The following ANKRD12 variants were observed in gnomAD, a reference collection of about 807,000 sequenced individuals.
The protein encoded by ANKRD12 is ankyrin repeat domain-containing protein 12.
ANKRD12 carries 85 observed loss-of-function variants against 183.4 expected under a neutral mutation model. That is an observed-to-expected ratio of 0.46 (90% CI 0.39 to 0.56). The LOEUF (loss-of-function observed/expected upper bound fraction) is 0.56, where lower values mean the gene tolerates loss of function less well. Ranked by LOEUF, ANKRD12 falls within the 20% of genes least tolerant of loss-of-function variation. The pLI, the probability that ANKRD12 is intolerant of heterozygous loss-of-function variation, is 0.00. For missense variants in ANKRD12, 2,405 were observed against 2,357.1 expected, an observed-to-expected ratio of 1.02 and a Z score of -0.42; for synonymous variants, 914 against 800.2, an observed-to-expected ratio of 1.14 and a Z score of -2.40.
intron 10 of ANKRD12, among the ~76,000 whole-genome samples, chr18:9,267,994 C>T (rs891595478): frequency 6.6e-6 from 1 of 152,198 alleles, no homozygotes; most frequent in African/African-American, 2.4e-5. Flanking sequence ...AACACCTCTA[C>T]ACAAATAAAC....
At chr18:9,236,265 A>G (rs920388827) in intron 8 of ANKRD12, among the ~76,000 whole-genome samples, 1 of 152,226 alleles carries the variant, frequency 6.6e-6, no homozygotes, top group African/African-American at 2.4e-5. Flanking sequence ...TGCTTTTAGT[A>G]TCTATTTTCA....
At chr18:9,268,224 T>C (rs12964959) in intron 10 of ANKRD12, among the ~76,000 whole-genome samples, 5,291 of 152,202 alleles carry the variant, frequency 0.035, 123 homozygotes, top group Non-Finnish European at 0.056. Context: ...TCTGAAACTA[T>C]TCCAATCAAT....
At chr18:9,155,910 G>A (rs753946385) in intron 1 of ANKRD12, among the ~76,000 whole-genome samples, 33 of 151,984 alleles carry the variant, frequency 2.2e-4, no homozygotes, top group Non-Finnish European at 3.1e-4. Flanking sequence ...TGAGGTGGGC[G>A]GATCGCTTGA....
At chr18:9,159,151 GCATTTTAGGTGTGCTT>G (rs1435244973) in intron 1 of ANKRD12, among the ~76,000 whole-genome samples, 1 of 152,164 alleles carries the variant, frequency 6.6e-6, no homozygotes, top group Non-Finnish European at 1.5e-5. Context: ...ACCAAGATCT[GCATTTTAGGTGTGCTT>G]CTTGCTACTG....
intron 4 of ANKRD12, among the ~76,000 whole-genome samples, chr18:9,205,273 TTTTTTAAATTGG>T (rs1314002766): frequency 7.4e-4 from 112 of 151,682 alleles, no homozygotes; most frequent in Non-Finnish European, 8.3e-4. Flanking sequence ...TTGATTGTCT[TTTTTTAAATTGG>T]CTAACATTGT....
intron 8 of ANKRD12, among the ~76,000 whole-genome samples, chr18:9,236,496 G>T (rs2037353156): frequency 6.6e-6 from 1 of 152,192 alleles, no homozygotes; most frequent in African/African-American, 2.4e-5. Context: ...TGAAGTGGGG[G>T]ATAGTCACTG....
At chr18:9,224,289 C>A (rs2036588760) in intron 8 of ANKRD12, among the ~76,000 whole-genome samples, 1 of 151,862 alleles carries the variant, frequency 6.6e-6, no homozygotes, top group Non-Finnish European at 1.5e-5. Context: ...GAAACACAGA[C>A]TGAAAGAGGG....
Position 9,231,356 on chromosome 18 carries a change from C to T in ANKRD12, c.943+9357C>T, listed in dbSNP as rs573971883. ...CTGACAGTGATGTGTTGAAGTCCCCCGTTACTATTGTATTGGAGTCTTCCT... is the reference window on the plus strand; with the variant it reads ...CTGACAGTGATGTGTTGAAGTCCCCTGTTACTATTGTATTGGAGTCTTCCT... On this transcript the variant is annotated intron_variant, in intron 8 of 12. Coordinates refer to ENST00000262126, the MANE Select transcript of ANKRD12 (RefSeq NM_015208.5). Among the ~76,000 whole-genome samples, 31 of 152,092 alleles carry T rather than the reference C, an allele frequency of 2.0e-4. No individual in the cohort carries two copies. The South Asian group carries it at 4.2e-3, about 20-fold the overall frequency.
chr18:9,263,600 A>G (rs1484031252), intron 9 of ANKRD12, among the ~76,000 whole-genome samples, 190 bp from the exon 10 acceptor site: 3 of 152,234 alleles, frequency 2.0e-5, no homozygotes, highest in African/African-American at 4.8e-5. Context: ...CTTAGAATCA[A>G]AACATCTAAA....
chr18:9,241,585 T>C (rs891102555), intron 8 of ANKRD12, among the ~76,000 whole-genome samples: 1 of 152,144 alleles, frequency 6.6e-6, no homozygotes, highest in African/African-American at 2.4e-5. Flanking sequence ...TGTGAGTGCT[T>C]AGAAAAATTA....
At chr18:9,177,695 G>A (rs989150937) in intron 1 of ANKRD12, among the ~76,000 whole-genome samples, 2 of 152,016 alleles carry the variant, frequency 1.3e-5, no homozygotes, top group African/African-American at 4.8e-5. Context: ...TTCTATTTAT[G>A]TTTCTACCCT....
At position 9,182,443 on chromosome 18, in the gene ANKRD12, C is replaced by G. The variant is rs1345072649; in HGVS notation, c.11C>G (p.Ser4Cys). Residue 4 changes from serine (S) to cysteine (C), a missense_variant, in exon 2 of 13, where the codon TCT (serine) becomes TGT (cysteine). Around this residue, in one of 7 missense-constraint regions of ANKRD12, gnomAD observed 145 missense variants for 145.6 expected, o/e 1.00. Coordinates refer to ENST00000262126, the MANE Select transcript of ANKRD12 (RefSeq NM_015208.5). MPK[S>C]GFTKPIQSEN... ...CTGAACAGCTGTAAAATGCCCAAAT[C>G]TGGGTTCACAAAACCAATTCAGAGT... is the stretch of plus-strand genomic sequence containing the variant. 6.2e-7 allele frequency: 1 copy of G among 1,610,236 alleles called. No individual in the cohort carries two copies. Among genetic ancestry groups the G allele is most frequent in the Non-Finnish European group, 8.5e-7 (1 of 1,178,140 alleles).
chr18:9,259,291 A>G (rs1293189727), intron 9 of ANKRD12: 1 of 160,096 alleles, frequency 6.2e-6, no homozygotes, highest in Non-Finnish European at 1.4e-5. Flanking sequence ...TTATATATGT[A>G]TACATTTGTT....
At chr18:9,231,513 T>A (rs192732475) in intron 8 of ANKRD12, among the ~76,000 whole-genome samples, 1 of 152,244 alleles carries the variant, frequency 6.6e-6, no homozygotes, top group African/African-American at 2.4e-5. Flanking sequence ...TGTCTTTTTT[T>A]AAACTTTTTT....
At chr18:9,204,298 T>C (rs1342484080) in intron 3 of ANKRD12, among the ~76,000 whole-genome samples, 178 bp from the exon 4 acceptor site, 2 of 152,220 alleles carry the variant, frequency 1.3e-5, no homozygotes, top group African/African-American at 4.8e-5. Context: ...ATTTGAAATA[T>C]TAGGTGTTGA....
intron 10 of ANKRD12, among the ~76,000 whole-genome samples, chr18:9,271,164 C>T (rs1295890462): frequency 6.6e-6 from 1 of 152,130 alleles, no homozygotes; most frequent in Non-Finnish European, 1.5e-5. Context: ...CTCAACCTTC[C>T]AGGCTCAAAC....
intron 2 of ANKRD12, among the ~76,000 whole-genome samples, chr18:9,193,869 G>A (rs947530640): frequency 6.6e-6 from 1 of 152,196 alleles, no homozygotes; most frequent in Non-Finnish European, 1.5e-5. Context: ...TCACAAAGGA[G>A]TTGTCATACC....
At chr18:9,236,581 G>A (rs1313508294) in intron 8 of ANKRD12, among the ~76,000 whole-genome samples, 1 of 151,808 alleles carries the variant, frequency 6.6e-6, no homozygotes, top group Non-Finnish European at 1.5e-5. Flanking sequence ...AAAACATAGA[G>A]CAAAAATTCA....
chr18:9,213,871 T>A (rs2035943605), intron 6 of ANKRD12, among the ~76,000 whole-genome samples: 2 of 151,976 alleles, frequency 1.3e-5, no homozygotes, highest in Non-Finnish European at 2.9e-5. Flanking sequence ...GATTTTTGTT[T>A]ACTGAAAGAC....
Sources: gnomAD v4.1 joint callset for allele counts (sites outside exome capture counted in the v4.1 genomes callset) on GRCh38, gnomAD v4.1.1 for gene constraint, gnomAD v4.1.1 regional missense constraint, MANE v1.5 for transcripts, NCBI Gene and HGNC (gene_info 2026-07-23, HGNC 2026-07-21) for gene names.